Variants in LIPH observed in about 807,000 individuals in gnomAD.
LIPH encodes lipase member H.
LIPH carries 32 observed loss-of-function variants against 47.6 expected under a neutral mutation model. The ratio of observed to expected loss-of-function variants is 0.67; its 90% confidence interval spans 0.51 to 0.90. The LOEUF is 0.90. LIPH is among the 40% of genes least tolerant of loss of function. The pLI is 0.00. For synonymous variants in LIPH, 190 were observed against 195.6 expected, an observed-to-expected ratio of 0.97 and a Z score of 0.24; for missense variants, 497 against 541.4, an observed-to-expected ratio of 0.92 and a Z score of 0.81.
chr3:185,529,583 G>A (rs1720246017), intron 3 of LIPH, among the ~76,000 whole-genome samples: 1 of 150,790 alleles, frequency 6.6e-6, no homozygotes, highest in African/African-American at 2.4e-5. Flanking sequence ...TAGCCTACCT[G>A]GTTCTAGCTT....
chr3:185,519,947 A>G (rs1171661213), intron 5 of LIPH, among the ~76,000 whole-genome samples: 3 of 150,998 alleles, frequency 2.0e-5, no homozygotes, highest in Non-Finnish European at 4.4e-5. Context: ...CTGCATCAAA[A>G]TCGTGCTTAT....
intron 5 of LIPH, among the ~76,000 whole-genome samples, chr3:185,523,473 C>T (rs1414650278): frequency 6.6e-6 from 1 of 152,112 alleles, no homozygotes; most frequent in South Asian, 2.1e-4. Flanking sequence ...GGCATGATCA[C>T]GGCTCACTGC....
At chr3:185,547,386 G>T (rs562036325) in intron 1 of LIPH, among the ~76,000 whole-genome samples, 1 of 152,058 alleles carries the variant, frequency 6.6e-6, no homozygotes, top group Non-Finnish European at 1.5e-5. Flanking sequence ...TTTTTATCTC[G>T]AGTTTTGGTT....
intron 5 of LIPH, among the ~76,000 whole-genome samples, chr3:185,519,609 G>A (rs781000679): frequency 6.6e-6 from 1 of 152,156 alleles, no homozygotes; most frequent in African/African-American, 2.4e-5. Flanking sequence ...GCCGAAGCAG[G>A]TGGATTGCCT....
chr3:185,527,772 A>C (rs868564785), intron 3 of LIPH, among the ~76,000 whole-genome samples, 187 bp from the exon 4 acceptor site: 2 of 145,264 alleles, frequency 1.4e-5, no homozygotes, highest in Admixed American at 1.4e-4. Flanking sequence ...CACAGTGGAG[A>C]CGGTTACCCT....
At chr3:185,542,671 G>A (rs548614885) in intron 1 of LIPH, among the ~76,000 whole-genome samples, 4 of 152,234 alleles carry the variant, frequency 2.6e-5, no homozygotes, top group African/African-American at 9.6e-5. Flanking sequence ...TCCACTCATA[G>A]GTTTATTGCA....
chr3:185,514,469 C>T lies in LIPH; in HGVS notation c.1035G>A (p.Gly345=). The part of the protein sequence containing the change: ...IITWNKNVRR[G]DITIKLRDKA... ...TGTCTCTCAATTTGATGGTAATGTCCCCTCTTCTTACATTCTTGTTCCATG... is the reference window on the plus strand; with the variant it reads ...TGTCTCTCAATTTGATGGTAATGTCTCCTCTTCTTACATTCTTGTTCCATG... Residue 345 remains glycine, a synonymous_variant, in exon 8 of 10, where the codon GGG becomes GGA. Transcript: ENST00000296252. 2.5e-6 allele frequency: 4 copies of T among 1,584,570 alleles called. No homozygotes were observed. The highest frequency in any genetic ancestry group is 3.5e-6 in the Non-Finnish European group (4 of 1,153,100).
chr3:185,516,227 G>A (rs1473442514), intron 7 of LIPH, among the ~76,000 whole-genome samples: 1 of 152,138 alleles, frequency 6.6e-6, no homozygotes, highest in Non-Finnish European at 1.5e-5. Context: ...GAGGTCAGGA[G>A]TTTGAGACCA....
In LIPH at chr3:185,534,876, G is replaced by A. The variant is rs141937955; in HGVS notation, c.306C>T (p.Asn102=). The A allele has an allele frequency of 1.3e-4, 213 of 1,614,172 alleles. No homozygotes were observed. The highest frequency in any genetic ancestry group is 1.2e-3 in the African/African-American group (91 of 75,058). The change falls in exon 2 of 10, where the codon AAC becomes AAT. Residue 102 remains asparagine, a synonymous_variant. Transcript: ENST00000296252. ...VKGLLSVEDM[N]VVVVDWNRGA... ...CTCGATTCCAATCAACAACAACTAC[G>A]TTCATGTCTTCAACAGAGAGCAAAC...
rs781588111 is a variant in LIPH at position 185,534,733 on chromosome 3, T to G, written c.417+32A>C. 8 of 1,611,032 alleles carry G rather than the reference T, an allele frequency of 5.0e-6. No individual in the cohort carries two copies. The Admixed American group carries it at 1.3e-4, about 27-fold the overall frequency. ...CTCAGATAATGGGCCAGTTTCAACT[T>G]AGCTCTGAATCATCTAAGAGAATTC... On this transcript the variant is annotated intron_variant, in intron 2 of 9. Coordinates refer to ENST00000296252, the MANE Select transcript of LIPH (RefSeq NM_139248.3).
chr3:185,526,950 T>C (rs1395970599), intron 4 of LIPH, among the ~76,000 whole-genome samples: 1 of 152,004 alleles, frequency 6.6e-6, no homozygotes, highest in Non-Finnish European at 1.5e-5. Context: ...ATGATTCCTT[T>C]AAAAATATGC....
At position 185,552,447 on chromosome 3, in the gene LIPH, T is replaced by C; in HGVS notation, c.25A>G (p.Ser9Gly). Residue 9 changes from serine to glycine, a missense_variant, in exon 1 of 10, where the codon AGT (serine) becomes GGT (glycine). Ser to Gly is a moderately conservative substitution (Grantham distance 56). Transcript: ENST00000296252. ...CCTGATCTTGACAAGCACAACAAAC[T>C]GATGAATAAGTAGAATCTCAACATA... Reference protein sequence around the residue: MLRFYLFISLLCLSRSDAE... With the variant: MLRFYLFIGLLCLSRSDAE... The C allele has an allele frequency of 6.2e-7, 1 of 1,609,540 alleles. No individual in the cohort carries two copies.
chr3:185,523,447 T>C lies in LIPH; in HGVS notation c.718+624A>G, dbSNP rs141416240. Reference sequence around the variant, plus strand: ...TTGAGACAGGTCTCACTCTGTTGCCTAGGTTAGAGTGCAGTGGCATGATCA... The same window carrying C: ...TTGAGACAGGTCTCACTCTGTTGCCCAGGTTAGAGTGCAGTGGCATGATCA... On this transcript the variant is annotated intron_variant, in intron 5 of 9. Transcript: ENST00000296252. 1.6e-3 allele frequency among the ~76,000 whole-genome samples: 246 copies of C among 152,278 alleles called. 1 individual carries two copies. The highest frequency in any genetic ancestry group is 5.7e-3 in the African/African-American group (237 of 41,562).
intron 3 of LIPH, among the ~76,000 whole-genome samples, chr3:185,529,478 A>G (rs1431325606): frequency 1.4e-5 from 2 of 144,380 alleles, no homozygotes; most frequent in Non-Finnish European, 3.0e-5. Flanking sequence ...GGCACTTGCT[A>G]TGTTGCCCAG....
intron 5 of LIPH, among the ~76,000 whole-genome samples, chr3:185,523,777 C>T (rs1174745186): frequency 6.9e-6 from 1 of 144,264 alleles, no homozygotes; most frequent in Non-Finnish European, 1.6e-5. Context: ...GGCTGGAGTG[C>T]AGTGGCGTGA....
chr3:185,523,976 C>A (rs1719985911), intron 5 of LIPH, 95 bp downstream of exon 5: 1 of 832,344 alleles, frequency 1.2e-6, no homozygotes, highest in East Asian at 2.6e-5. Context: ...CCCGTCTCGG[C>A]CTCCCAAAGT....
chr3:185,533,075 T>C (rs548610047), intron 3 of LIPH, among the ~76,000 whole-genome samples: 3 of 152,296 alleles, frequency 2.0e-5, no homozygotes, highest in African/African-American at 7.2e-5. Flanking sequence ...GAGTCTTTGT[T>C]TGGGATCTGA....
intron 2 of LIPH, among the ~76,000 whole-genome samples, 189 bp downstream of exon 2, chr3:185,534,576 C>T (rs1435116470): frequency 1.3e-5 from 2 of 152,328 alleles, no homozygotes; most frequent in East Asian, 3.9e-4. Context: ...CTGTGCAGTG[C>T]ACAGCCTAAC....
chr3:185,521,764 G>A (rs2148951499), intron 5 of LIPH, among the ~76,000 whole-genome samples: 1 of 152,300 alleles, frequency 6.6e-6, no homozygotes, highest in East Asian at 1.9e-4. Flanking sequence ...GTCTGTAGTA[G>A]AGTATGGGAA....
Sources: allele counts gnomAD v4.1 joint callset (sites outside exome capture counted in the v4.1 genomes callset), GRCh38; gene constraint gnomAD v4.1.1; transcripts MANE v1.5; gene names NCBI Gene and HGNC (gene_info 2026-07-23, HGNC 2026-07-21).